CARF: variants seen among roughly 807,000 people sequenced by gnomAD.
CARF encodes calcium responsive transcription factor, also known as calcium-responsive transcription factor.
A neutral mutation model predicts 82.0 loss-of-function variants in CARF; 57 were observed. That is an observed-to-expected ratio of 0.70 (90% CI 0.56 to 0.87). The LOEUF (loss-of-function observed/expected upper bound fraction) is 0.87. Ranked by LOEUF, CARF falls within the 40% of genes least tolerant of loss-of-function variation. The pLI is 0.00. For missense variants in CARF, 771 were observed against 855.8 expected (o/e 0.90, Z 1.24); for synonymous variants, 268 against 290.1 (o/e 0.92, Z 0.77).
chr2:202,927,445 C>T (rs1692063049), intron 3 of CARF, among the ~76,000 whole-genome samples: 1 of 151,910 alleles, frequency 6.6e-6, no homozygotes, highest in African/African-American at 2.4e-5. Flanking sequence ...GGCTAATTAA[C>T]ATATGTATTA....
chr2:202,973,647 A>C, intron 12 of CARF: 1 of 280,190 alleles, frequency 3.6e-6, no homozygotes, highest in South Asian at 3.5e-5. Flanking sequence ...TCATCTGTAA[A>C]GTGGGAATGA....
intron 5 of CARF, among the ~76,000 whole-genome samples, chr2:202,945,717 G>T (rs2058466577): frequency 6.6e-6 from 1 of 152,140 alleles, no homozygotes; most frequent in Admixed American, 6.6e-5. Flanking sequence ...TGTCAATGAT[G>T]GGCATTTAGG....
At chr2:202,952,863 G>A (rs921739750) in intron 6 of CARF, among the ~76,000 whole-genome samples, 184 bp downstream of exon 6, 3 of 152,024 alleles carry the variant, frequency 2.0e-5, no homozygotes, top group South Asian at 2.1e-4. Context: ...TCCTGTCTAG[G>A]TTAGCTATTT....
At chr2:202,948,721 G>C (rs1167324666) in intron 5 of CARF, among the ~76,000 whole-genome samples, 1 of 152,174 alleles carries the variant, frequency 6.6e-6, no homozygotes, top group Non-Finnish European at 1.5e-5. Context: ...TGCTGAAGTT[G>C]TTTATCTTCT....
At position 202,942,634 on chromosome 2, in the gene CARF, A is replaced by G. The variant is rs375856342; in HGVS notation, c.79-106A>G. On this transcript the variant is annotated intron_variant, in intron 4 of 16. Coordinates refer to ENST00000438828, the MANE Select transcript of CARF (RefSeq NM_024744.17). ...ATTTGTGTGAATTGACAACTCTTAC[A>G]AAAAAGTAAAAACAACTGAAAAATG... 103 of 1,080,500 alleles carry G rather than the reference A, an allele frequency of 9.5e-5. 1 individual carries two copies. In the South Asian group the frequency reaches 1.8e-3, roughly 19 times the overall value. The allele number at this position is 1,080,500 out of a possible 1,614,324, so 66.9% of individuals were successfully genotyped here.
At chr2:202,958,708 C>T (rs2059166798) in intron 8 of CARF, among the ~76,000 whole-genome samples, 1 of 151,902 alleles carries the variant, frequency 6.6e-6, no homozygotes, top group Non-Finnish European at 1.5e-5. Context: ...AGATTGAGAC[C>T]ATCCTGGCCA....
In CARF at chr2:202,974,320, T is replaced by C. The variant is rs1257180812; in HGVS notation, c.1332-14T>C. ...AATGGTTTATGTCTTTATTCCATTT[T>C]GTATTCTTTACAGAAAATTTGTGGA... On this transcript the variant is annotated splice_polypyrimidine_tract_variant and intron_variant, in intron 12 of 16. Transcript: ENST00000438828. 21 of 1,565,034 alleles carry C rather than the reference T, an allele frequency of 1.3e-5. No individual in the cohort carries two copies. The highest frequency in any genetic ancestry group is 2.1e-5 in the Admixed American group (1 of 46,690).
Position 202,946,018 on chromosome 2 carries a change from G to A in CARF, c.306+3051G>A, listed in dbSNP as rs193233347. Among the ~76,000 whole-genome samples, 628 of 152,244 alleles carry A rather than the reference G, an allele frequency of 4.1e-3. 2 individuals are homozygous for A. Among genetic ancestry groups the A allele is most frequent in the Non-Finnish European group, 7.0e-3 (476 of 68,006 alleles). Reference sequence around the variant, plus strand: ...ATAATGGCCATTCTGACTGGTGTGAGATAGTATCTCATTGTGGTTTTGATT... The same window carrying A: ...ATAATGGCCATTCTGACTGGTGTGAAATAGTATCTCATTGTGGTTTTGATT... On this transcript the variant is annotated intron_variant, in intron 5 of 16. Coordinates refer to ENST00000438828, the MANE Select transcript of CARF (RefSeq NM_024744.17).
chr2:202,982,048 G>C, intron 15 of CARF, 24 bp from the exon 16 acceptor site: 1 of 1,601,468 alleles, frequency 6.2e-7, no homozygotes, highest in Non-Finnish European at 8.5e-7. Context: ...CAAACATTTT[G>C]ATGTACTCTT....
At chr2:202,938,097 A>G (rs1012306072) in intron 3 of CARF, among the ~76,000 whole-genome samples, 5 of 152,330 alleles carry the variant, frequency 3.3e-5, no homozygotes, top group African/African-American at 9.6e-5. Context: ...TTTGTGTTAT[A>G]AACAATCCAA....
At chr2:202,950,936 G>C (rs2105840189) in intron 5 of CARF, among the ~76,000 whole-genome samples, 1 of 152,018 alleles carries the variant, frequency 6.6e-6, no homozygotes, top group Admixed American at 6.6e-5. Context: ...CTTAATTTTG[G>C]GAACTATCTA....
Position 202,942,837 on chromosome 2 carries a change from T to C in CARF, c.176T>C (p.Ile59Thr). The change falls in exon 5 of 17, where the codon ATA (isoleucine) becomes ACA (threonine). Residue 59 changes from isoleucine to threonine, a missense_variant. Coordinates refer to ENST00000438828, the MANE Select transcript of CARF (RefSeq NM_024744.17). ...ITTREANNSL[I>T]SQNIPGPLTQ... The stretch of plus-strand genomic sequence containing the variant: ...ACTCGTGAAGCAAATAATTCACTCA[T>C]ATCACAGAATATACCAGGGCCCCTG... 6.2e-7 allele frequency: 1 copy of C among 1,614,086 alleles called. No individual in the cohort carries two copies. The highest frequency in any genetic ancestry group is 1.3e-5 in the African/African-American group (1 of 75,026).
rs2060439400 is a variant in CARF at position 202,986,800 on chromosome 2, TG to T, written c.*3179del. The T allele has an allele frequency of 1.4e-5, 2 of 146,110 alleles. No individual in the cohort carries two copies. Among genetic ancestry groups the T allele is most frequent in the South Asian group, 4.3e-4 (2 of 4,612 alleles). 9.1% of individuals were successfully genotyped at this position (146,110 alleles called of 1,614,324 possible). A position where few individuals can be genotyped will look rare whatever the true frequency, so the allele number is the denominator to read the frequency against. ...CTGTCAGAATACATACTTAATCATG[TG>T]GGTATGAGAAAGATGTTGTTTAACT... On this transcript the variant is annotated 3_prime_UTR_variant, in exon 17 of 17. Transcript: ENST00000438828.
chr2:202,979,241 A>G (rs1199961333), intron 14 of CARF, among the ~76,000 whole-genome samples: 1 of 152,176 alleles, frequency 6.6e-6, no homozygotes, highest in African/African-American at 2.4e-5. Context: ...TGGATGACAG[A>G]GCAAGACTCC....
intron 3 of CARF, among the ~76,000 whole-genome samples, chr2:202,929,407 T>C (rs943160785): frequency 7.9e-5 from 12 of 152,292 alleles, no homozygotes; most frequent in Middle Eastern, 3.4e-3. Context: ...CATACAGATA[T>C]CCAGTTTTCC....
At chr2:202,919,574 G>GT (rs1015373010) in intron 2 of CARF, among the ~76,000 whole-genome samples, 6 of 152,280 alleles carry the variant, frequency 3.9e-5, no homozygotes, top group South Asian at 2.1e-4. Flanking sequence ...CGGAGATAGA[G>GT]TTTTTTGTAT....
intron 11 of CARF, among the ~76,000 whole-genome samples, chr2:202,970,764 A>G (rs992112471): frequency 6.6e-6 from 1 of 152,230 alleles, no homozygotes; most frequent in African/African-American, 2.4e-5. Context: ...ATAATTTTTA[A>G]GTAGGCATTG....
In CARF at chr2:202,954,062, T is replaced by C; in HGVS notation, c.485T>C (p.Leu162Pro). 2 of 1,613,782 alleles carry C rather than the reference T, an allele frequency of 1.2e-6. No homozygotes were observed. The highest frequency in any genetic ancestry group is 1.1e-5 in the South Asian group (1 of 91,006). ...TTACCAACTGTAAGAGTGGATACTC[T>C]AGCAGACAATACCAGCAATTACATT... Reference protein sequence around the residue: ...RNLPTVRVDTLADNTSNYILH... With the variant: ...RNLPTVRVDTPADNTSNYILH... Residue 162 changes from leucine to proline, a missense_variant, in exon 7 of 17, where the codon CTA becomes CCA. Coordinates refer to ENST00000438828, the MANE Select transcript of CARF (RefSeq NM_024744.17).
intron 14 of CARF, among the ~76,000 whole-genome samples, chr2:202,979,798 CAA>C (rs796554415): frequency 5.5e-5 from 6 of 109,116 alleles, no homozygotes; most frequent in African/African-American, 1.0e-4. Flanking sequence ...AAGACTGTCT[CAA>C]AAAAAAAAAA....
Sources: gnomAD v4.1 joint callset for allele counts (sites outside exome capture counted in the v4.1 genomes callset) on GRCh38, gnomAD v4.1.1 for gene constraint, MANE v1.5 for transcripts, NCBI Gene and HGNC (gene_info 2026-07-23, HGNC 2026-07-21) for gene names.